Variants in KCMF1 observed in about 807,000 individuals in gnomAD.
KCMF1 encodes potassium channel modulatory factor 1, also known as E3 ubiquitin-protein ligase KCMF1.
In KCMF1, 3 loss-of-function variants were observed where a neutral mutation model predicts 41.1. That is an observed-to-expected ratio of 0.07 (90% CI 0.03 to 0.19). KCMF1 has a LOEUF of 0.19. KCMF1 is among the 10% of genes least tolerant of loss of function. The pLI, the probability that KCMF1 is intolerant of heterozygous loss-of-function variation, is 1.00. For synonymous variants in KCMF1, 142 were observed against 164.5 expected (o/e 0.86, Z 1.04); for missense variants, 286 against 488.9 (o/e 0.58, Z 3.91).
chr2:85,008,291 T>TATATAATATGATATATA (rs1486177880), intron 1 of KCMF1, among the ~76,000 whole-genome samples: 30 of 14,652 alleles, frequency 2.0e-3, no homozygotes, highest in South Asian at 8.8e-3. Context: ...TGATATATAA[T>TATATAATATGATATATA]ATATATAATA....
intron 1 of KCMF1, among the ~76,000 whole-genome samples, chr2:84,995,893 C>A (rs1433482571): frequency 6.6e-6 from 1 of 152,162 alleles, no homozygotes; most frequent in East Asian, 1.9e-4. Flanking sequence ...TTTCAAGATA[C>A]AGATGCTTAG....
intron 1 of KCMF1, among the ~76,000 whole-genome samples, chr2:85,023,393 A>G (rs960079442): frequency 3.7e-5 from 5 of 136,562 alleles, no homozygotes; most frequent in Non-Finnish European, 6.1e-5. Flanking sequence ...ATCTCAGCTC[A>G]CTGCAAGCTC....
At chr2:85,051,097 T>C (rs1460940169) in intron 6 of KCMF1, among the ~76,000 whole-genome samples, 5 of 152,278 alleles carry the variant, frequency 3.3e-5, no homozygotes, top group South Asian at 2.1e-4. Context: ...GTACTCGTTA[T>C]CAACATTTGT....
chr2:85,016,842 A>G (rs1052653521), intron 1 of KCMF1, among the ~76,000 whole-genome samples: 2 of 151,920 alleles, frequency 1.3e-5, no homozygotes, highest in Non-Finnish European at 2.9e-5. Context: ...GGCACCCGCC[A>G]TCACACCCAG....
chr2:84,996,584 C>T (rs1016653636), intron 1 of KCMF1, among the ~76,000 whole-genome samples: 1 of 151,778 alleles, frequency 6.6e-6, no homozygotes, highest in Non-Finnish European at 1.5e-5. Context: ...TACAGATGTG[C>T]ACCACCATGC....
intron 6 of KCMF1, among the ~76,000 whole-genome samples, chr2:85,052,219 A>G (rs1231453934): frequency 6.6e-6 from 1 of 151,874 alleles, no homozygotes; most frequent in Non-Finnish European, 1.5e-5. Context: ...ATAGGCACGC[A>G]CCCCCACACC....
At chr2:84,995,477 A>G (rs190135056) in intron 1 of KCMF1, among the ~76,000 whole-genome samples, 10 of 152,302 alleles carry the variant, frequency 6.6e-5, no homozygotes, top group Admixed American at 2.0e-4. Flanking sequence ...TTCTTATTAC[A>G]TCATACTGAC....
At chr2:84,983,546 A>G (rs1170179895) in intron 1 of KCMF1, among the ~76,000 whole-genome samples, 1 of 152,064 alleles carries the variant, frequency 6.6e-6, no homozygotes, top group Non-Finnish European at 1.5e-5. Context: ...TCGTTCTTGT[A>G]GCCCAGGCTG....
intron 1 of KCMF1, among the ~76,000 whole-genome samples, chr2:85,000,834 A>C (rs1168963682): frequency 7.3e-6 from 1 of 137,560 alleles, no homozygotes; most frequent in African/African-American, 2.8e-5. Flanking sequence ...GCTGGAGTGT[A>C]GTGGCACGAT....
intron 3 of KCMF1, among the ~76,000 whole-genome samples, chr2:85,041,584 C>T (rs1675537036): frequency 6.6e-6 from 1 of 152,112 alleles, no homozygotes; most frequent in African/African-American, 2.4e-5. Context: ...AGAAAGATGC[C>T]TTTTCCTTTT....
chr2:84,979,216 C>T (rs1255953618), intron 1 of KCMF1, among the ~76,000 whole-genome samples: 1 of 152,066 alleles, frequency 6.6e-6, no homozygotes, highest in African/African-American at 2.4e-5. Context: ...TTGAATTATC[C>T]TAGAAATAAT....
chr2:85,044,576 A>G (rs980423553), intron 4 of KCMF1, among the ~76,000 whole-genome samples: 9 of 152,004 alleles, frequency 5.9e-5, no homozygotes, highest in African/African-American at 2.2e-4. Context: ...GGGTTTCACC[A>G]TATTGGCCAG....
chr2:85,008,023 A>G (rs1461233809), intron 1 of KCMF1, among the ~76,000 whole-genome samples: 1 of 151,796 alleles, frequency 6.6e-6, no homozygotes, highest in East Asian at 1.9e-4. Flanking sequence ...TTGACCTCCC[A>G]AAGTGCTGGG....
In KCMF1 at chr2:85,035,120, G is replaced by A. The variant is rs1471124545; in HGVS notation, c.289G>A (p.Val97Ile). The A allele has an allele frequency of 1.9e-6, 3 of 1,613,312 alleles. No individual in the cohort carries two copies. Among genetic ancestry groups the A allele is most frequent in the Non-Finnish European group, 2.5e-6 (3 of 1,179,642 alleles). Residue 97 changes from valine to isoleucine, a missense_variant, in exon 3 of 7, where the codon GTT (valine) becomes ATT (isoleucine). This residue lies in a region of KCMF1 where 95 missense variants were observed against 209.6 expected (regional missense o/e 0.45). Coordinates refer to ENST00000409785, the MANE Select transcript of KCMF1 (RefSeq NM_020122.5). Reference protein sequence around the residue: ...GYTETSLQEHVTSEHAETSTE... With the variant: ...GYTETSLQEHITSEHAETSTE... ...TACGGAGACATCTCTTCAAGAACAT[G>A]TTACTTCTGAACATGCAGAAACATC...
rs1182254030 is a variant in KCMF1, at chr2:84,981,792, T to TG, written c.16+10325_16+10326insG. On this transcript the variant is annotated intron_variant, in intron 1 of 6. Transcript: ENST00000409785. Reference sequence around the variant, plus strand: ...TTGTTTGTTTGTTTGTTTGTTTGTTTTTTTGAGATGGAGTCTGGTTCTGTC... The same window carrying TG: ...TTGTTTGTTTGTTTGTTTGTTTGTTTGTTTTGAGATGGAGTCTGGTTCTGTC... Among the ~76,000 whole-genome samples the TG allele has an allele frequency of 3.3e-5, 5 of 152,108 alleles. No individual in the cohort carries two copies. The East Asian group carries it at 7.7e-4, about 23-fold the overall frequency.
chr2:85,018,980 G>A (rs143147658), intron 1 of KCMF1, among the ~76,000 whole-genome samples: 9,451 of 151,584 alleles, frequency 0.062, 427 homozygotes, highest in Non-Finnish European at 0.094. Context: ...CAGGTGATCC[G>A]CCCACCTCGG....
At chr2:85,050,975 G>C (rs1675794526) in intron 6 of KCMF1, among the ~76,000 whole-genome samples, 1 of 152,142 alleles carries the variant, frequency 6.6e-6, no homozygotes, top group South Asian at 2.1e-4. Context: ...TTTATCATCA[G>C]TATCCCAGAA....
intron 1 of KCMF1, among the ~76,000 whole-genome samples, chr2:85,000,822 A>T (rs1674307536): frequency 7.1e-6 from 1 of 139,942 alleles, no homozygotes; most frequent in Non-Finnish European, 1.5e-5. Context: ...TTTGTTGCCC[A>T]GGCTGGAGTG....
intron 1 of KCMF1, among the ~76,000 whole-genome samples, chr2:84,989,930 G>A (rs1431691005): frequency 6.6e-6 from 1 of 152,120 alleles, no homozygotes; most frequent in Non-Finnish European, 1.5e-5. Flanking sequence ...GAAAATACAT[G>A]GATTGAGAAG....
Sources: gnomAD v4.1 joint callset for allele counts (sites outside exome capture counted in the v4.1 genomes callset) on GRCh38, gnomAD v4.1.1 for gene constraint, gnomAD v4.1.1 regional missense constraint, MANE v1.5 for transcripts, NCBI Gene and HGNC (gene_info 2026-07-23, HGNC 2026-07-21) for gene names.